SERPINB9: variants seen among roughly 807,000 people sequenced by gnomAD.
SERPINB9 encodes the protein serpin B9.
SERPINB9 carries 20 observed loss-of-function variants against 27.2 expected under a neutral mutation model. That is an observed-to-expected ratio of 0.74 (90% CI 0.52 to 1.07). The LOEUF (loss-of-function observed/expected upper bound fraction) is 1.07. Among genes scored for constraint, SERPINB9 ranks in the 50% least tolerant of loss-of-function variants. The probability of loss-of-function intolerance (pLI) is 0.00; values close to 1 mark genes in which losing one functional copy is unlikely to be tolerated. For synonymous variants in SERPINB9, 189 were observed against 180.0 expected (o/e 1.05, Z -0.40); for missense variants, 476 against 460.1 (o/e 1.03, Z -0.32).
Position 2,896,121 on chromosome 6 carries a change from C to G in SERPINB9, c.238G>C (p.Ala80Pro), listed in dbSNP as rs535072565. The G allele has an allele frequency of 9.3e-6, 15 of 1,614,094 alleles. No homozygotes were observed. The East Asian group carries it at 2.0e-4, about 22-fold the overall frequency. ...GTTCTCAGCAGGTACTGTGTGCCAG[C>G]CTTGTTCACTTCAGTGAGAAGCGAC... ...FQSLLTEVNKAGTQYLLRTAN... is the reference protein window; with the variant it reads ...FQSLLTEVNKPGTQYLLRTAN... The change falls in exon 3 of 7, where the codon GCT (alanine) becomes CCT (proline). Residue 80 changes from alanine (A) to proline (P), a missense_variant. Coordinates refer to ENST00000380698, the MANE Select transcript of SERPINB9 (RefSeq NM_004155.6).
chr6:2,888,219 C>G lies in SERPINB9; in HGVS notation c.*1944G>C, dbSNP rs958209998. The G allele has an allele frequency of 1.3e-5, 2 of 152,134 alleles. No individual in the cohort carries two copies. Among genetic ancestry groups the G allele is most frequent in the African/African-American group, 4.8e-5 (2 of 41,428 alleles). 9.4% of individuals were successfully genotyped at this position (152,134 alleles called of 1,614,324 possible). ...GAGGAAGTGGACAGAAATTGGAATT[C>G]TCATACATTGCTGGTGGGAATGTGG... On this transcript the variant is annotated 3_prime_UTR_variant, in exon 7 of 7. Coordinates refer to ENST00000380698, the MANE Select transcript of SERPINB9 (RefSeq NM_004155.6).
At chr6:2,892,482 T>C (rs1218668043) in intron 5 of SERPINB9, among the ~76,000 whole-genome samples, 1 of 152,134 alleles carries the variant, frequency 6.6e-6, no homozygotes, top group East Asian at 1.9e-4. Flanking sequence ...ACGACCTACA[T>C]ATGTAGTAAT....
Position 2,888,835 on chromosome 6 carries a change from G to C in SERPINB9, c.*1328C>G, listed in dbSNP as rs1392819804. 1 of 151,566 alleles carries C rather than the reference G, an allele frequency of 6.6e-6. No individual in the cohort carries two copies. Among genetic ancestry groups the C allele is most frequent in the Non-Finnish European group, 1.5e-5 (1 of 67,968 alleles). The allele number at this position is 151,566 out of a possible 1,614,324, so 9.4% of individuals were successfully genotyped here. A position where few individuals can be genotyped will look rare whatever the true frequency, so the allele number is the denominator to read the frequency against. ...TAAAATAGTTAATTTTATGTTATGT[G>C]AAGTTTACCTCAATAAAAAAATTCT... is the stretch of plus-strand genomic sequence containing the variant. On this transcript the variant is annotated 3_prime_UTR_variant, in exon 7 of 7. Transcript: ENST00000380698.
In SERPINB9 at chr6:2,891,116, GCA is replaced by G. The variant is rs1554096856; in HGVS notation, c.724-548_724-547del. Among the ~76,000 whole-genome samples the G allele has an allele frequency of 6.6e-6, 1 of 152,126 alleles. No individual in the cohort carries two copies. The highest frequency in any genetic ancestry group is 1.5e-5 in the Non-Finnish European group (1 of 68,016). Reference sequence around the variant, plus strand: ...CAGAGGGAGAGCCAATGGCTGCTGCGCACACAGACCTCTTAAGTCATGGGGTC... The same window carrying G: ...CAGAGGGAGAGCCAATGGCTGCTGCGCACAGACCTCTTAAGTCATGGGGTC... On this transcript the variant is annotated intron_variant, in intron 6 of 6. Transcript: ENST00000380698. This position sits in a 1 kb window ranked among gnomAD's most constrained non-coding sequence, Gnocchi z 4.0.
chr6:2,900,707 T>A, intron 1 of SERPINB9, 86 bp from the exon 2 acceptor site: 1 of 1,196,056 alleles, frequency 8.4e-7, no homozygotes, highest in South Asian at 1.6e-5. Context: ...TTTGGAATCG[T>A]ACTTTTTGTT....
Position 2,889,104 on chromosome 6 carries a change from G to A in SERPINB9, c.*1059C>T, listed in dbSNP as rs1158776696. On this transcript the variant is annotated 3_prime_UTR_variant, in exon 7 of 7. Transcript: ENST00000380698. ...ATATGTACATCTGGTTGCGGAGAAA[G>A]GAAAAACTTCTCAAAGAAGAATTTG... The A allele has an allele frequency of 6.6e-6, 1 of 152,150 alleles. No homozygotes were observed. The highest frequency in any genetic ancestry group is 1.5e-5 in the Non-Finnish European group (1 of 68,028). 9.4% of individuals were successfully genotyped at this position (152,150 alleles called of 1,614,324 possible). A position where few individuals can be genotyped will look rare whatever the true frequency, so the allele number is the denominator to read the frequency against.
rs779248284 is a variant in SERPINB9 at position 2,893,488 on chromosome 6, C to T, written c.490G>A (p.Ala164Thr). ...DAETRLVLVN[A>T]IYFKGKWNEP... ...TTCCACTTTCCTTTGAAGTAGATGGCATTGACAAGAACCAGCCTGGTTTCT... is the reference window on the plus strand; with the variant it reads ...TTCCACTTTCCTTTGAAGTAGATGGTATTGACAAGAACCAGCCTGGTTTCT... Residue 164 changes from alanine to threonine, a missense_variant, in exon 5 of 7, where the codon GCC (alanine) becomes ACC (threonine). Transcript: ENST00000380698. The T allele has an allele frequency of 1.2e-6, 2 of 1,613,244 alleles. No individual in the cohort carries two copies. The highest frequency in any genetic ancestry group is 1.7e-6 in the Non-Finnish European group (2 of 1,179,486).
chr6:2,902,319 G>A (rs1265362878), intron 1 of SERPINB9, among the ~76,000 whole-genome samples: 4 of 152,132 alleles, frequency 2.6e-5, no homozygotes, highest in South Asian at 2.1e-4. Flanking sequence ...TCCTCCCGAA[G>A]GTGATTCCTC....
chr6:2,893,053 C>CGTTTTTTT (rs542385110), intron 5 of SERPINB9, among the ~76,000 whole-genome samples: 4 of 113,536 alleles, frequency 3.5e-5, no homozygotes, highest in Non-Finnish European at 5.4e-5. Flanking sequence ...TACCTTAACA[C>CGTTTTTTT]TTTTTTTTTT....
chr6:2,892,404 G>T (rs1767842592), intron 5 of SERPINB9, among the ~76,000 whole-genome samples: 2 of 152,042 alleles, frequency 1.3e-5, no homozygotes, highest in South Asian at 4.1e-4. Flanking sequence ...CATAAAGTGG[G>T]ATGAAACTTA....
At chr6:2,892,012 C>T (rs759800020) in intron 5 of SERPINB9, 24 bp from the exon 6 acceptor site, 2 of 1,578,568 alleles carry the variant, frequency 1.3e-6, no homozygotes, top group Admixed American at 1.7e-5. Flanking sequence ...TATTGAAAGA[C>T]GCAATTAAAA....
rs1767938872 is a variant in SERPINB9, at chr6:2,894,881, A to T, written c.424+510T>A. Among the ~76,000 whole-genome samples, 1 of 149,488 alleles carries T rather than the reference A, an allele frequency of 6.7e-6. No homozygotes were observed. The highest frequency in any genetic ancestry group is 6.7e-5 in the Admixed American group (1 of 14,996). ...TGTCTCAGCCTCCCAAGCAGCTGGG[A>T]TTACAGGCATGGGCCACCACACCTG... On this transcript the variant is annotated intron_variant, in intron 4 of 6. Coordinates refer to ENST00000380698, the MANE Select transcript of SERPINB9 (RefSeq NM_004155.6). The surrounding 1 kb of genome is among the most constrained non-coding windows in gnomAD (Gnocchi z 4.7).
In SERPINB9 at chr6:2,903,065, A is replaced by C. The variant is rs1192947271; in HGVS notation, c.-11+136T>G. ...CCAGAGACCGTTGCTGACCCCACCG[A>C]GAAGGCACCGCCTCCCCGGGGCTCT... is the stretch of plus-strand genomic sequence containing the variant. On this transcript the variant is annotated intron_variant, in intron 1 of 6. Transcript: ENST00000380698. The surrounding 1 kb of genome is among the most constrained non-coding windows in gnomAD (Gnocchi z 5.2). The C allele has an allele frequency of 1.3e-5, 2 of 152,106 alleles. No homozygotes were observed. Among genetic ancestry groups the C allele is most frequent in the African/African-American group, 4.8e-5 (2 of 41,374 alleles). The allele number at this position is 152,106 out of a possible 1,614,324, so 9.4% of individuals were successfully genotyped here.
Position 2,889,829 on chromosome 6 carries a change from A to G in SERPINB9, c.*334T>C, listed in dbSNP as rs1561641999. On this transcript the variant is annotated 3_prime_UTR_variant, in exon 7 of 7. Coordinates refer to ENST00000380698, the MANE Select transcript of SERPINB9 (RefSeq NM_004155.6). ...TTATTACCACTGAGGCAGCGGGTTAAGGAATGTATTCGCAGTGTCAGGAAA... is the reference window on the plus strand; with the variant it reads ...TTATTACCACTGAGGCAGCGGGTTAGGGAATGTATTCGCAGTGTCAGGAAA... 1 of 239,896 alleles carries G rather than the reference A, an allele frequency of 4.2e-6. No homozygotes were observed. Among genetic ancestry groups the G allele is most frequent in the Non-Finnish European group, 8.1e-6 (1 of 123,056 alleles). The allele number at this position is 239,896 out of a possible 1,614,324, so 14.9% of individuals were successfully genotyped here.
Position 2,896,198 on chromosome 6 carries a change from G to C in SERPINB9, c.169-8C>G. On this transcript the variant is annotated splice_region_variant and splice_polypyrimidine_tract_variant and intron_variant, in intron 2 of 6. Coordinates refer to ENST00000380698, the MANE Select transcript of SERPINB9 (RefSeq NM_004155.6). Reference sequence around the variant, plus strand: ...TGTGTTTAAAGACAGTGCCTGTTGTGAAAGATAATTTTAAAAGTTATCAAG... The same window carrying C: ...TGTGTTTAAAGACAGTGCCTGTTGTCAAAGATAATTTTAAAAGTTATCAAG... 1 of 1,611,460 alleles carries C rather than the reference G, an allele frequency of 6.2e-7. No homozygotes were observed. Among genetic ancestry groups the C allele is most frequent in the Non-Finnish European group, 8.5e-7 (1 of 1,179,116 alleles).
chr6:2,892,071 A>T, intron 5 of SERPINB9, 83 bp from the exon 6 acceptor site: 8 of 662,928 alleles, frequency 1.2e-5, no homozygotes, highest in East Asian at 5.4e-5. Context: ...AGCACCTGTG[A>T]TGGAAACCGC....
chr6:2,894,826 C>A lies in SERPINB9; in HGVS notation c.424+565G>T, dbSNP rs1165303422. Among the ~76,000 whole-genome samples the A allele has an allele frequency of 6.6e-6, 1 of 152,116 alleles. No individual in the cohort carries two copies. Among genetic ancestry groups the A allele is most frequent in the Non-Finnish European group, 1.5e-5 (1 of 68,038 alleles). On this transcript the variant is annotated intron_variant, in intron 4 of 6. Transcript: ENST00000380698. The surrounding 1 kb of genome is among the most constrained non-coding windows in gnomAD (Gnocchi z 4.7). ...GTGGCATGATCTCAGCTCACTACAA[C>A]TTCTGCCTCCCAGGTTCAAGTGATT... is the stretch of plus-strand genomic sequence containing the variant.
chr6:2,900,366 C>A, intron 2 of SERPINB9, 78 bp downstream of exon 2: 1 of 1,544,546 alleles, frequency 6.5e-7, no homozygotes, highest in Non-Finnish European at 8.8e-7. Flanking sequence ...CTCAGTGGCT[C>A]TGGAGTGTGA....
intron 1 of SERPINB9, among the ~76,000 whole-genome samples, chr6:2,902,427 G>T (rs562012827): frequency 6.6e-6 from 1 of 152,078 alleles, no homozygotes. Flanking sequence ...CTGAATTATT[G>T]AAAGAATTAA....
Sources: gnomAD v4.1 joint callset for allele counts (sites outside exome capture counted in the v4.1 genomes callset) on GRCh38, gnomAD v4.1.1 for gene constraint, Gnocchi (gnomAD v3.1) non-coding constraint, MANE v1.5 for transcripts, NCBI Gene and HGNC (gene_info 2026-07-23, HGNC 2026-07-21) for gene names.